The following APLP2 variants were observed in gnomAD, a reference collection of about 807,000 sequenced individuals.
APLP2 encodes CDEI box-binding protein.
Under a neutral mutation model 89.9 loss-of-function variants are expected in APLP2, and 53 were observed. The ratio of observed to expected loss-of-function variants is 0.59; its 90% CI spans 0.47 to 0.74. The LOEUF is 0.74. APLP2 is among the 30% of genes least tolerant of loss of function. APLP2 has a pLI of 0.00. For missense variants in APLP2, 973 were observed against 975.9 expected (o/e 1.00, Z 0.04); for synonymous variants, 372 against 348.6 (o/e 1.07, Z -0.75).
At chr11:130,119,036 TC>T (rs1246114935) in intron 3 of APLP2, among the ~76,000 whole-genome samples, 1 of 152,188 alleles carries the variant, frequency 6.6e-6, no homozygotes, top group Non-Finnish European at 1.5e-5. Flanking sequence ...AAGACTGACT[TC>T]AGTGCTTGCG....
intron 1 of APLP2, among the ~76,000 whole-genome samples, chr11:130,085,538 A>G (rs753593943): frequency 3.9e-5 from 6 of 152,220 alleles, no homozygotes; most frequent in Non-Finnish European, 8.8e-5. Flanking sequence ...GGAGAATTCT[A>G]CTAAACATTA....
intron 3 of APLP2, among the ~76,000 whole-genome samples, chr11:130,118,001 C>T (rs945062720): frequency 6.7e-6 from 1 of 149,970 alleles, no homozygotes; most frequent in Admixed American, 6.7e-5. Context: ...CACTTGAACC[C>T]GGGAGGCAGA....
chr11:130,101,080 G>A (rs1946853120), intron 1 of APLP2, among the ~76,000 whole-genome samples: 1 of 152,156 alleles, frequency 6.6e-6, no homozygotes, highest in Admixed American at 6.5e-5. Flanking sequence ...TTAGGCTCTG[G>A]GTCAGAATCG....
chr11:130,132,618 T>TA lies in APLP2; in HGVS notation c.1585-1011_1585-1010insA, dbSNP rs1486558667. 2.3e-3 allele frequency among the ~76,000 whole-genome samples: 325 copies of TA among 140,586 alleles called. 2 individuals carry two copies. The highest frequency in any genetic ancestry group is 0.01 in the Middle Eastern group (3 of 290). The allele number at this position is 140,586 out of a possible 152,430, so 92.2% of individuals were successfully genotyped here. ...CTTCTAATGGCCTTTTTTTTTTTTT[T>TA]TAAATAATGAATAACCTTAGAACTT... On this transcript the variant is annotated intron_variant, in intron 11 of 16. Transcript: ENST00000338167.
At chr11:130,082,015 C>A (rs61205233) in intron 1 of APLP2, among the ~76,000 whole-genome samples, 1 of 151,968 alleles carries the variant, frequency 6.6e-6, no homozygotes, top group Non-Finnish European at 1.5e-5. Context: ...TGTAGGGCAC[C>A]GTGACAGAAC....
chr11:130,084,021 C>T (rs995789555), intron 1 of APLP2, among the ~76,000 whole-genome samples: 1 of 152,072 alleles, frequency 6.6e-6, no homozygotes, highest in African/African-American at 2.4e-5. Context: ...CCGAGGCAGG[C>T]GGATCACGAG....
At chr11:130,083,740 T>G (rs928889687) in intron 1 of APLP2, among the ~76,000 whole-genome samples, 1 of 152,182 alleles carries the variant, frequency 6.6e-6, no homozygotes, top group Non-Finnish European at 1.5e-5. Flanking sequence ...CGATGGACAT[T>G]TAGGTTGTTT....
chr11:130,135,430 C>G, intron 12 of APLP2, 133 bp from the exon 13 acceptor site: 1 of 1,075,154 alleles, frequency 9.3e-7, no homozygotes, highest in African/African-American at 1.6e-5. Context: ...CTCTGTGGTG[C>G]CACAGAATCA....
At chr11:130,135,792 A>C in intron 13 of APLP2, 77 bp downstream of exon 13, 1 of 1,553,394 alleles carries the variant, frequency 6.4e-7, no homozygotes, top group Non-Finnish European at 8.8e-7. Flanking sequence ...GTTTTTCGAA[A>C]ACCAAATTGA....
intron 1 of APLP2, among the ~76,000 whole-genome samples, chr11:130,085,708 A>G (rs531765884): frequency 3.9e-5 from 6 of 152,206 alleles, no homozygotes; most frequent in African/African-American, 1.4e-4. Flanking sequence ...TTTTCATCCA[A>G]ACAGAAACCC....
intron 1 of APLP2, among the ~76,000 whole-genome samples, chr11:130,087,221 C>CTGT (rs1384286449): frequency 6.6e-6 from 1 of 152,220 alleles, no homozygotes; most frequent in African/African-American, 2.4e-5. Context: ...AGCGTCCTCA[C>CTGT]TGTGATACCT....
intron 1 of APLP2, among the ~76,000 whole-genome samples, chr11:130,107,710 A>G (rs563917700): frequency 2.6e-5 from 4 of 152,318 alleles, no homozygotes; most frequent in Non-Finnish European, 5.9e-5. Context: ...ATTGGAAAAA[A>G]CTACTTTAAA....
chr11:130,122,232 A>G, intron 5 of APLP2, 73 bp from the exon 6 acceptor site: 1 of 1,537,398 alleles, frequency 6.5e-7, no homozygotes, highest in Non-Finnish European at 8.9e-7. Flanking sequence ...GTTTCAGAAT[A>G]GAGAAGGGAC....
chr11:130,071,456 A>C (rs761981017), intron 1 of APLP2, among the ~76,000 whole-genome samples: 1 of 152,002 alleles, frequency 6.6e-6, no homozygotes, highest in Non-Finnish European at 1.5e-5. Context: ...TCAGAGTTGT[A>C]TCTGTGATCC....
At chr11:130,099,062 C>A (rs1402403155) in intron 1 of APLP2, among the ~76,000 whole-genome samples, 1 of 152,154 alleles carries the variant, frequency 6.6e-6, no homozygotes, top group Non-Finnish European at 1.5e-5. Flanking sequence ...CTAAGTAATG[C>A]TGGCCAGTGA....
chr11:130,102,222 A>G (rs1947029430), intron 1 of APLP2, among the ~76,000 whole-genome samples: 1 of 152,206 alleles, frequency 6.6e-6, no homozygotes, highest in Admixed American at 6.5e-5. Context: ...AAAATAATAT[A>G]TAGGATTTTC....
At position 130,143,464 on chromosome 11, in the gene APLP2, G is replaced by A; in HGVS notation, c.*16G>A. On this transcript the variant is annotated 3_prime_UTR_variant, in exon 17 of 17. Transcript: ENST00000338167. ...GCAGATTTAGGTGGCAGGGAGCGCG[G>A]CAGCCCTGGCGGAGGGATGCAGGTG... 1 of 1,604,000 alleles carries A rather than the reference G, an allele frequency of 6.2e-7. No individual in the cohort carries two copies. The highest frequency in any genetic ancestry group is 1.3e-5 in the African/African-American group (1 of 74,838).
At chr11:130,096,992 T>C (rs535008358) in intron 1 of APLP2, among the ~76,000 whole-genome samples, 1 of 152,336 alleles carries the variant, frequency 6.6e-6, no homozygotes, top group Non-Finnish European at 1.5e-5. Flanking sequence ...CACATGGGCA[T>C]GGGTCCAAGA....
In APLP2 at chr11:130,130,215, G is replaced by A. The variant is rs200451862; in HGVS notation, c.1584+49G>A. The A allele has an allele frequency of 1.9e-6, 3 of 1,612,370 alleles. No individual in the cohort carries two copies. The Admixed American group carries it at 5.0e-5, about 27-fold the overall frequency. ...GCTGCCGTGAGGGCATTTCCAGTGG[G>A]GAACATAATGCCTTGACTAATGGTT... On this transcript the variant is annotated intron_variant, in intron 11 of 16. Transcript: ENST00000338167.
Sources: allele counts gnomAD v4.1 joint callset (sites outside exome capture counted in the v4.1 genomes callset), GRCh38; gene constraint gnomAD v4.1.1; transcripts MANE v1.5; gene names NCBI Gene and HGNC (gene_info 2026-07-23, HGNC 2026-07-21).